The following EML1 variants were observed in gnomAD, a reference collection of about 807,000 sequenced individuals.
EML1 encodes the protein echinoderm microtubule-associated protein-like 1.
EML1 carries 27 observed loss-of-function variants against 110.4 expected under a neutral mutation model. The observed-to-expected ratio is 0.24, with a 90% CI of 0.18 to 0.34. The LOEUF (loss-of-function observed/expected upper bound fraction) is 0.34, where lower values mean the gene tolerates loss of function less well. Among genes scored for constraint, EML1 ranks in the 10% least tolerant of loss-of-function variants. The probability of loss-of-function intolerance (pLI) is 1.00; values close to 1 mark genes in which losing one functional copy is unlikely to be tolerated. For missense variants in EML1, 741 were observed against 1,030.9 expected, an observed-to-expected ratio of 0.72 and a Z score of 3.85; for synonymous variants, 344 against 385.8, an observed-to-expected ratio of 0.89 and a Z score of 1.27.
At chr14:99,850,474 A>C (rs1215108163) in intron 1 of EML1, 1 of 679,336 alleles carries the variant, frequency 1.5e-6, no homozygotes, top group East Asian at 6.6e-5. Context: ...AACAGAAGCT[A>C]GAAGACCATG....
At chr14:99,908,621 A>G (rs946857804) in intron 10 of EML1, among the ~76,000 whole-genome samples, 11 of 152,222 alleles carry the variant, frequency 7.2e-5, no homozygotes, top group Non-Finnish European at 1.6e-4. Flanking sequence ...GTGTAACTGC[A>G]TTATTAAATA....
chr14:99,835,407 T>A (rs1159680647), intron 1 of EML1, among the ~76,000 whole-genome samples: 1 of 152,232 alleles, frequency 6.6e-6, no homozygotes, highest in East Asian at 1.9e-4. Flanking sequence ...ATTTTCTCAG[T>A]GAACTAGCTT....
intron 1 of EML1, among the ~76,000 whole-genome samples, chr14:99,803,931 CT>C (rs2057926360): frequency 6.6e-6 from 1 of 152,218 alleles, no homozygotes; most frequent in Non-Finnish European, 1.5e-5. Flanking sequence ...AGTGATGATG[CT>C]TTATCTACTA....
intron 17 of EML1, among the ~76,000 whole-genome samples, chr14:99,927,252 T>C (rs2060251351): frequency 6.6e-6 from 1 of 152,216 alleles, no homozygotes; most frequent in African/African-American, 2.4e-5. Flanking sequence ...TGTTAATCCA[T>C]AGGTGTTCTC....
intron 2 of EML1, among the ~76,000 whole-genome samples, chr14:99,859,742 G>A (rs2058969124): frequency 6.6e-6 from 1 of 152,156 alleles, no homozygotes; most frequent in Non-Finnish European, 1.5e-5. Flanking sequence ...CCAAATCTGT[G>A]TACAGGATAT....
intron 2 of EML1, among the ~76,000 whole-genome samples, chr14:99,855,784 T>G (rs1566900732): frequency 6.6e-6 from 1 of 152,210 alleles, no homozygotes; most frequent in Non-Finnish European, 1.5e-5. Flanking sequence ...AATTATTGGC[T>G]TCATTAATTA....
At chr14:99,858,545 A>C (rs940145013) in intron 2 of EML1, among the ~76,000 whole-genome samples, 1 of 152,078 alleles carries the variant, frequency 6.6e-6, no homozygotes, top group Admixed American at 6.5e-5. Flanking sequence ...AGTGTATTCA[A>C]CCAGTCCCTG....
intron 2 of EML1, among the ~76,000 whole-genome samples, chr14:99,860,459 T>C (rs2058983700): frequency 6.6e-6 from 1 of 152,172 alleles, no homozygotes; most frequent in Admixed American, 6.5e-5. Context: ...GCTGCTCCTC[T>C]TTCCTGTCAT....
chr14:99,825,081 T>G, intron 1 of EML1, among the ~76,000 whole-genome samples: 1 of 152,162 alleles, frequency 6.6e-6, no homozygotes, highest in South Asian at 2.1e-4. Context: ...CCTCCAGGGT[T>G]CAAGTGATAC....
chr14:99,779,367 A>T (rs535481581), intron 1 of EML1, among the ~76,000 whole-genome samples: 21 of 152,264 alleles, frequency 1.4e-4, no homozygotes, highest in Middle Eastern at 3.4e-3. Flanking sequence ...TATTTTGTGG[A>T]TGCAATAACT....
At chr14:99,771,928 A>G (rs1308136524), upstream of EML1, among the ~76,000 whole-genome samples, 1 of 152,202 alleles carries the variant, frequency 6.6e-6, no homozygotes, top group African/African-American at 2.4e-5. Flanking sequence ...ATTACAACAC[A>G]GTTTTCATTA....
chr14:99,855,338 G>T (rs533109780), intron 2 of EML1, among the ~76,000 whole-genome samples: 38 of 152,292 alleles, frequency 2.5e-4, no homozygotes, highest in African/African-American at 8.9e-4. Flanking sequence ...ATAAGCAGAA[G>T]AAATTTGTGT....
At chr14:99,916,808 G>C (rs573912109) in intron 15 of EML1, among the ~76,000 whole-genome samples, 6 of 152,304 alleles carry the variant, frequency 3.9e-5, no homozygotes, top group African/African-American at 1.4e-4. Flanking sequence ...ACCTTCACCA[G>C]TGATAATTCT....
chr14:99,916,284 A>G lies in EML1; in HGVS notation c.1753-1498A>G, dbSNP rs539475565. Among the ~76,000 whole-genome samples, 3 of 152,362 alleles carry G rather than the reference A, an allele frequency of 2.0e-5. No homozygotes were observed. The South Asian group carries it at 6.2e-4, about 32-fold the overall frequency. On this transcript the variant is annotated intron_variant, in intron 15 of 21. Coordinates refer to ENST00000262233, the MANE Select transcript of EML1 (RefSeq NM_004434.3). The stretch of plus-strand genomic sequence containing the variant: ...GGCTTAGATGAATGACACAGACAGA[A>G]GTGCTTTGTAAATGGTAAAGCTTCA...
chr14:99,785,521 G>A (rs1448908617), intron 1 of EML1, among the ~76,000 whole-genome samples: 1 of 152,220 alleles, frequency 6.6e-6, no homozygotes, highest in African/African-American at 2.4e-5. Context: ...AATTTTGCCA[G>A]ATGGGAGTCG....
upstream of EML1, chr14:99,793,217 C>A: frequency 2.0e-6 from 1 of 508,686 alleles, no homozygotes; most frequent in Non-Finnish European, 2.5e-6. Context: ...GGAGGCTCGG[C>A]CCCGCCCCGC....
intron 3 of EML1, among the ~76,000 whole-genome samples, chr14:99,869,632 T>G (rs1414265541): frequency 6.6e-6 from 1 of 152,196 alleles, no homozygotes; most frequent in Non-Finnish European, 1.5e-5. Flanking sequence ...TAGACCATCA[T>G]GTGGTTTAGA....
At chr14:99,820,150 T>G (rs2058237817) in intron 1 of EML1, among the ~76,000 whole-genome samples, 1 of 152,230 alleles carries the variant, frequency 6.6e-6, no homozygotes, top group Non-Finnish European at 1.5e-5. Context: ...ATCAACCTGG[T>G]ATGTGGTTGT....
chr14:99,919,462 A>ACACACACACT (rs2060094338), intron 16 of EML1, among the ~76,000 whole-genome samples: 1 of 147,672 alleles, frequency 6.8e-6, no homozygotes, highest in Non-Finnish European at 1.5e-5. Context: ...ACACACACAC[A>ACACACACACT]CTCCACCTCC....
Sources: gnomAD v4.1 joint callset for allele counts (sites outside exome capture counted in the v4.1 genomes callset) on GRCh38, gnomAD v4.1.1 for gene constraint, MANE v1.5 for transcripts, NCBI Gene and HGNC (gene_info 2026-07-23, HGNC 2026-07-21) for gene names.